The following ADAM10 variants were observed in gnomAD, a reference collection of about 807,000 sequenced individuals.
The protein encoded by ADAM10 is ADAM metallopeptidase domain 10, also known as disintegrin and metalloproteinase domain-containing protein 10.
A neutral mutation model predicts 90.1 loss-of-function variants in ADAM10; 17 were observed. The observed-to-expected ratio is 0.19, with a 90% CI of 0.13 to 0.28. ADAM10 has a LOEUF of 0.28. Ranked by LOEUF, ADAM10 falls within the 10% of genes least tolerant of loss-of-function variation. The probability of loss-of-function intolerance (pLI) is 1.00; values close to 1 mark genes in which losing one functional copy is unlikely to be tolerated. For missense variants in ADAM10, 610 were observed against 914.3 expected, an observed-to-expected ratio of 0.67 and a Z score of 4.29; for synonymous variants, 310 against 298.6, an observed-to-expected ratio of 1.04 and a Z score of -0.40.
At chr15:58,664,406 A>T (rs1897032663) in intron 5 of ADAM10, among the ~76,000 whole-genome samples, 1 of 152,142 alleles carries the variant, frequency 6.6e-6, no homozygotes, top group South Asian at 2.1e-4. Flanking sequence ...TCTTCAATAC[A>T]TATAAGAATA....
chr15:58,633,303 A>C lies in ADAM10; in HGVS notation c.1069T>G (p.Ser357Ala). The change falls in exon 9 of 16, where the codon TCC (serine) becomes GCC (alanine). Residue 357 changes from serine to alanine, a missense_variant. By Grantham distance (99) the Ser-to-Ala change is moderately conservative. Coordinates refer to ENST00000260408, the MANE Select transcript of ADAM10 (RefSeq NM_001110.4). ...ACAGTAATAATTCCAGTGTTTAAGGACTTCTTCTTACCATCTGAATAGAGT... is the reference window on the plus strand; with the variant it reads ...ACAGTAATAATTCCAGTGTTTAAGGCCTTCTTCTTACCATCTGAATAGAGT... ...SKLYSDGKKK[S>A]LNTGIITVQN... is the part of the protein sequence containing the mutation. The C allele has an allele frequency of 6.2e-7, 1 of 1,613,416 alleles. No homozygotes were observed. Among genetic ancestry groups the C allele is most frequent in the Non-Finnish European group, 8.5e-7 (1 of 1,179,430 alleles).
At chr15:58,719,989 C>T (rs1446560640) in intron 1 of ADAM10, among the ~76,000 whole-genome samples, 1 of 152,164 alleles carries the variant, frequency 6.6e-6, no homozygotes, top group East Asian at 1.9e-4. Context: ...CCACACTTTG[C>T]CTTTCAGACC....
chr15:58,674,038 CTCTT>C (rs1316552421), intron 4 of ADAM10, among the ~76,000 whole-genome samples: 2 of 151,936 alleles, frequency 1.3e-5, no homozygotes, highest in Non-Finnish European at 2.9e-5. Context: ...CAGCCACTGC[CTCTT>C]TTTTTGTGAT....
At chr15:58,737,497 T>C (rs893809691) in intron 1 of ADAM10, among the ~76,000 whole-genome samples, 6 of 152,164 alleles carry the variant, frequency 3.9e-5, no homozygotes, top group African/African-American at 1.4e-4. Context: ...CCTCAACTGA[T>C]AACTACTATT....
Position 58,611,649 on chromosome 15 carries a change from A to C in ADAM10, c.1695+159T>G, listed in dbSNP as rs575218794. On this transcript the variant is annotated intron_variant, in intron 12 of 15. Transcript: ENST00000260408. ...AAGATGAAAGACAAATTAGTAGCTAATTGAATGCCACATAATATATTCATG... is the reference window on the plus strand; with the variant it reads ...AAGATGAAAGACAAATTAGTAGCTACTTGAATGCCACATAATATATTCATG... 49 of 677,458 alleles carry C rather than the reference A, an allele frequency of 7.2e-5. No homozygotes were observed. The African/African-American group carries it at 8.9e-4, about 12-fold the overall frequency. 42.0% of individuals were successfully genotyped at this position (677,458 alleles called of 1,614,324 possible).
At chr15:58,679,815 G>A (rs564994812) in intron 3 of ADAM10, among the ~76,000 whole-genome samples, 1 of 152,296 alleles carries the variant, frequency 6.6e-6, no homozygotes, top group East Asian at 1.9e-4. Flanking sequence ...GGCTGAGGCA[G>A]AAGAATCACT....
Position 58,595,439 on chromosome 15 carries a change from C to T in ADAM10, c.*2108G>A, listed in dbSNP as rs1428654842. On this transcript the variant is annotated 3_prime_UTR_variant, in exon 16 of 16. Coordinates refer to ENST00000260408, the MANE Select transcript of ADAM10 (RefSeq NM_001110.4). ...TTAATGCATTTCAAGTTTCAAAAAACCTTACATCTTTGCACAATACTTTAT... is the reference window on the plus strand; with the variant it reads ...TTAATGCATTTCAAGTTTCAAAAAATCTTACATCTTTGCACAATACTTTAT... The T allele has an allele frequency of 6.6e-6, 1 of 152,066 alleles. No homozygotes were observed. Among genetic ancestry groups the T allele is most frequent in the Admixed American group, 6.6e-5 (1 of 15,264 alleles). The allele number at this position is 152,066 out of a possible 1,614,324, so 9.4% of individuals were successfully genotyped here.
chr15:58,600,367 T>C (rs1282884771), intron 14 of ADAM10, among the ~76,000 whole-genome samples: 13 of 152,214 alleles, frequency 8.5e-5, no homozygotes, highest in African/African-American at 2.9e-4. Flanking sequence ...TGCTTTCTAA[T>C]TATCAAAGTT....
chr15:58,709,302 A>G (rs1898399663), intron 2 of ADAM10, among the ~76,000 whole-genome samples: 1 of 152,178 alleles, frequency 6.6e-6, no homozygotes, highest in Non-Finnish European at 1.5e-5. Flanking sequence ...TTATCTCACA[A>G]AAGATCCAAC....
At chr15:58,615,682 C>T (rs1488239703) in intron 11 of ADAM10, among the ~76,000 whole-genome samples, 1 of 152,054 alleles carries the variant, frequency 6.6e-6, no homozygotes, top group Non-Finnish European at 1.5e-5. Flanking sequence ...CTAGCTATAC[C>T]TGTATCAGAT....
At chr15:58,616,362 G>A (rs1895614718) in intron 11 of ADAM10, among the ~76,000 whole-genome samples, 1 of 152,160 alleles carries the variant, frequency 6.6e-6, no homozygotes, top group Admixed American at 6.5e-5. Context: ...ACATTCTCCA[G>A]GATAGACCAC....
intron 2 of ADAM10, chr15:58,686,274 T>C (rs1404196196): frequency 6.9e-6 from 4 of 581,514 alleles, no homozygotes; most frequent in Admixed American, 3.0e-5. Flanking sequence ...ACAGACTTTG[T>C]TGTCATTTAA....
chr15:58,649,676 T>G (rs1260501527), intron 5 of ADAM10, among the ~76,000 whole-genome samples: 1 of 152,194 alleles, frequency 6.6e-6, no homozygotes, highest in Non-Finnish European at 1.5e-5. Context: ...TACTGTTGCT[T>G]AAGAGTGATT....
chr15:58,738,564 C>A (rs429831), intron 1 of ADAM10, among the ~76,000 whole-genome samples: 3 of 152,238 alleles, frequency 2.0e-5, no homozygotes, highest in African/African-American at 2.4e-5. Flanking sequence ...AATTAAAAGC[C>A]TATTTCAACA....
intron 10 of ADAM10, among the ~76,000 whole-genome samples, chr15:58,623,480 CCT>C (rs1895848818): frequency 6.6e-6 from 1 of 152,178 alleles, no homozygotes; most frequent in Non-Finnish European, 1.5e-5. Context: ...AAGCTTCATC[CCT>C]GTTTCACTTT....
intron 3 of ADAM10, among the ~76,000 whole-genome samples, chr15:58,681,776 G>C (rs1897449302): frequency 6.6e-6 from 1 of 152,192 alleles, no homozygotes. Context: ...AGGGCCTTGG[G>C]AGGATTTTCC....
chr15:58,705,268 T>C lies in ADAM10; in HGVS notation c.206+12309A>G, dbSNP rs369215752. On this transcript the variant is annotated intron_variant, in intron 2 of 15. Transcript: ENST00000260408. ...GGTAAGATGTCCTGTATAAAGAACATTATTTCCACTGGGAATGTTTTCCTA... is the reference window on the plus strand; with the variant it reads ...GGTAAGATGTCCTGTATAAAGAACACTATTTCCACTGGGAATGTTTTCCTA... Among the ~76,000 whole-genome samples, 8 of 152,312 alleles carry C rather than the reference T, an allele frequency of 5.3e-5. No individual in the cohort carries two copies. The East Asian group carries it at 1.5e-3, about 29-fold the overall frequency.
intron 2 of ADAM10, among the ~76,000 whole-genome samples, chr15:58,700,813 G>A (rs572634172): frequency 2.6e-5 from 4 of 151,850 alleles, no homozygotes; most frequent in South Asian, 2.1e-4. Flanking sequence ...CTAGGAGTTC[G>A]AGACCAGCAT....
chr15:58,745,795 T>C (rs1429746734), intron 1 of ADAM10, among the ~76,000 whole-genome samples: 1 of 152,164 alleles, frequency 6.6e-6, no homozygotes, highest in East Asian at 1.9e-4. Context: ...GGGACTGCAG[T>C]AACCGGTAAG....
Sources: allele counts gnomAD v4.1 joint callset (sites outside exome capture counted in the v4.1 genomes callset), GRCh38; gene constraint gnomAD v4.1.1; transcripts MANE v1.5; gene names NCBI Gene and HGNC (gene_info 2026-07-23, HGNC 2026-07-21).